Variants in CDKAL1 observed in about 807,000 individuals in gnomAD.
The protein encoded by CDKAL1 is CDKAL1 threonylcarbamoyladenosine tRNA methylthiotransferase, also known as threonylcarbamoyladenosine tRNA methylthiotransferase.
Under a neutral mutation model 68.2 loss-of-function variants are expected in CDKAL1, and 32 were observed. The observed-to-expected ratio is 0.47, with a 90% CI of 0.35 to 0.63. CDKAL1 has a LOEUF of 0.63. Among genes scored for constraint, CDKAL1 ranks in the 30% least tolerant of loss-of-function variants. The pLI, the probability that CDKAL1 is intolerant of heterozygous loss-of-function variation, is 0.00. For missense variants in CDKAL1, 606 were observed against 696.7 expected (o/e 0.87, Z 1.47); for synonymous variants, 234 against 244.3 (o/e 0.96, Z 0.39).
intron 6 of CDKAL1, among the ~76,000 whole-genome samples, chr6:20,750,157 C>G (rs944561048): frequency 6.6e-6 from 1 of 152,138 alleles, no homozygotes; most frequent in Non-Finnish European, 1.5e-5. Context: ...CCCTGTCACT[C>G]TGGCTAAGTG....
chr6:21,232,112 T>C lies in CDKAL1; in HGVS notation c.*1073T>C, dbSNP rs951247611. 1 of 149,598 alleles carries C rather than the reference T, an allele frequency of 6.7e-6. No homozygotes were observed. The highest frequency in any genetic ancestry group is 1.5e-5 in the Non-Finnish European group (1 of 67,694). 9.3% of individuals were successfully genotyped at this position (149,598 alleles called of 1,614,324 possible). On this transcript the variant is annotated 3_prime_UTR_variant, in exon 16 of 16. Transcript: ENST00000274695. ...GCCTTGACCTCCTGGACTCAAGCAG[T>C]CCTCCTACCTCAGCCTCCCTAATAG...
chr6:21,178,852 G>A (rs1582366002), intron 13 of CDKAL1, among the ~76,000 whole-genome samples: 1 of 152,312 alleles, frequency 6.6e-6, no homozygotes, highest in African/African-American at 2.4e-5. Flanking sequence ...GCTTGAAGCC[G>A]AACTCCAACC....
At chr6:20,590,240 A>G (rs1000631988) in intron 4 of CDKAL1, among the ~76,000 whole-genome samples, 1 of 152,174 alleles carries the variant, frequency 6.6e-6, no homozygotes, top group Non-Finnish European at 1.5e-5. Flanking sequence ...TTTAAAAACA[A>G]GATTATATTA....
intron 15 of CDKAL1, among the ~76,000 whole-genome samples, chr6:21,225,002 G>A (rs1010913284): frequency 5.9e-5 from 9 of 152,142 alleles, no homozygotes; most frequent in African/African-American, 2.2e-4. Flanking sequence ...GGTAGCAATG[G>A]CAGTATGCAT....
chr6:20,593,352 G>A lies in CDKAL1; in HGVS notation c.286+44647G>A, dbSNP rs1765675775. Among the ~76,000 whole-genome samples the A allele has an allele frequency of 1.3e-5, 2 of 152,124 alleles. 1 individual carries two copies. Among genetic ancestry groups the A allele is most frequent in the African/African-American group, 4.8e-5 (2 of 41,412 alleles). On this transcript the variant is annotated intron_variant, in intron 4 of 15. Coordinates refer to ENST00000274695, the MANE Select transcript of CDKAL1 (RefSeq NM_017774.3). ...AATTACTGCCTCAATTTCAGAACTT[G>A]TTATTGCTGTGCTCAGGGATTTGAC...
chr6:20,771,026 G>C (rs1246487851), intron 7 of CDKAL1, among the ~76,000 whole-genome samples: 1 of 152,122 alleles, frequency 6.6e-6, no homozygotes, highest in Non-Finnish European at 1.5e-5. Context: ...TTGTTCAACA[G>C]TCTGCCTTCC....
At chr6:20,569,115 C>T (rs938719789) in intron 4 of CDKAL1, among the ~76,000 whole-genome samples, 2 of 152,138 alleles carry the variant, frequency 1.3e-5, no homozygotes, top group Non-Finnish European at 2.9e-5. Context: ...GTTTCTAATT[C>T]GTGTTGCTCT....
chr6:21,231,170 C>A lies in CDKAL1; in HGVS notation c.*131C>A. 9 of 637,588 alleles carry A rather than the reference C, an allele frequency of 1.4e-5. No homozygotes were observed. Among genetic ancestry groups the A allele is most frequent in the Non-Finnish European group, 2.3e-5 (9 of 398,534 alleles). The allele number at this position is 637,588 out of a possible 1,614,324, so 39.5% of individuals were successfully genotyped here. The stretch of plus-strand genomic sequence containing the variant: ...GGTCATGCTGCCTCCTTCTCAGCCA[C>A]TCTTCTTAATGAGGCTCCCCCTGTC... On this transcript the variant is annotated 3_prime_UTR_variant, in exon 16 of 16. Coordinates refer to ENST00000274695, the MANE Select transcript of CDKAL1 (RefSeq NM_017774.3).
At chr6:21,175,976 A>G (rs1777556601) in intron 13 of CDKAL1, among the ~76,000 whole-genome samples, 1 of 152,252 alleles carries the variant, frequency 6.6e-6, no homozygotes. Context: ...GGGTTTGAAC[A>G]TGGGCTGTGC....
At chr6:20,640,950 A>G (rs552947057) in intron 4 of CDKAL1, among the ~76,000 whole-genome samples, 4 of 152,366 alleles carry the variant, frequency 2.6e-5, no homozygotes, top group African/African-American at 7.2e-5. Flanking sequence ...TAGGTACTCA[A>G]TAATGTTAGC....
intron 8 of CDKAL1, among the ~76,000 whole-genome samples, chr6:20,803,091 A>G (rs1250264276): frequency 1.1e-4 from 16 of 152,172 alleles, no homozygotes; most frequent in Admixed American, 1.0e-3. Context: ...TCTCAAGTGT[A>G]TAGGATTGAA....
Position 20,600,250 on chromosome 6 carries a change from A to T in CDKAL1, c.287-49043A>T, listed in dbSNP as rs191618344. ...GGCAATTCTTTTTATTAAATATTGC[A>T]TGACTGTATATGTGTTAATAATTTA... On this transcript the variant is annotated intron_variant, in intron 4 of 15. Transcript: ENST00000274695. Among the ~76,000 whole-genome samples the T allele has an allele frequency of 8.5e-5, 13 of 152,246 alleles. No homozygotes were observed. In the East Asian group the frequency reaches 2.5e-3, roughly 29 times the overall value.
In CDKAL1 at chr6:20,944,990, C is replaced by G. The variant is rs139487336; in HGVS notation, c.743-10429C>G. ...CTGAATCACTAGCTGCTTCTTAAAA[C>G]TTTTAAACAGTATTTCTTTGTCCTA... On this transcript the variant is annotated intron_variant, in intron 9 of 15. Coordinates refer to ENST00000274695, the MANE Select transcript of CDKAL1 (RefSeq NM_017774.3). 5.0e-3 allele frequency among the ~76,000 whole-genome samples: 755 copies of G among 152,080 alleles called. 7 individuals are homozygous for G. Among genetic ancestry groups the G allele is most frequent in the African/African-American group, 0.017 (726 of 41,498 alleles).
At chr6:20,752,699 A>C (rs1773979789) in intron 6 of CDKAL1, among the ~76,000 whole-genome samples, 1 of 152,206 alleles carries the variant, frequency 6.6e-6, no homozygotes, top group African/African-American at 2.4e-5. Flanking sequence ...TGCAACCATG[A>C]TGCCCTTTAC....
chr6:21,075,632 T>C (rs1417848483), intron 12 of CDKAL1, among the ~76,000 whole-genome samples: 1 of 152,166 alleles, frequency 6.6e-6, no homozygotes, highest in African/African-American at 2.4e-5. Flanking sequence ...CTAAGCCAAA[T>C]GAGAGCGACT....
chr6:20,592,785 G>A (rs1290881202), intron 4 of CDKAL1, among the ~76,000 whole-genome samples: 2 of 152,112 alleles, frequency 1.3e-5, no homozygotes, highest in Non-Finnish European at 2.9e-5. Context: ...TGCCCATTCA[G>A]TTTGGTATTG....
chr6:20,785,827 G>A (rs959426663), intron 8 of CDKAL1, among the ~76,000 whole-genome samples: 1 of 152,080 alleles, frequency 6.6e-6, no homozygotes, highest in East Asian at 1.9e-4. Context: ...GGTCCCATTT[G>A]TAGCAACTTT....
chr6:20,900,256 C>T (rs75337078), intron 9 of CDKAL1, among the ~76,000 whole-genome samples: 1,872 of 152,230 alleles, frequency 0.012, 39 homozygotes, highest in African/African-American at 0.043. Context: ...GGGCAAAAAA[C>T]ATAAAATTAT....
At chr6:21,040,416 C>A (rs1405909315) in intron 11 of CDKAL1, among the ~76,000 whole-genome samples, 3 of 152,086 alleles carry the variant, frequency 2.0e-5, no homozygotes, top group African/African-American at 7.2e-5. Flanking sequence ...ATGAATGTCT[C>A]TCAGTCAAGT....
Sources: gnomAD v4.1 joint callset for allele counts (sites outside exome capture counted in the v4.1 genomes callset) on GRCh38, gnomAD v4.1.1 for gene constraint, MANE v1.5 for transcripts, NCBI Gene and HGNC (gene_info 2026-07-23, HGNC 2026-07-21) for gene names.